The following VAV2 variants were observed in gnomAD, a reference collection of about 807,000 sequenced individuals.
VAV2 encodes guanine nucleotide exchange factor VAV2.
VAV2 carries 67 observed loss-of-function variants against 132.5 expected under a neutral mutation model. The ratio of observed to expected loss-of-function variants is 0.51; its 90% confidence interval spans 0.42 to 0.62. The LOEUF (loss-of-function observed/expected upper bound fraction) is 0.62, where lower values mean the gene tolerates loss of function less well. Among genes scored for constraint, VAV2 ranks in the 20% least tolerant of loss-of-function variants. The pLI, the probability that VAV2 is intolerant of heterozygous loss-of-function variation, is 0.00. For synonymous variants in VAV2, 492 were observed against 443.5 expected (o/e 1.11, Z -1.37); for missense variants, 938 against 1,153.6 (o/e 0.81, Z 2.71).
intron 16 of VAV2, 58 bp downstream of exon 16, chr9:133,787,188 C>A: frequency 2.0e-6 from 3 of 1,504,868 alleles, no homozygotes; most frequent in Non-Finnish European, 2.7e-6. Context: ...GGCAGAAGTG[C>A]CAGCACCAGG....
At position 133,785,944 on chromosome 9, in the gene VAV2, T is replaced by G. The variant is rs1447933048; in HGVS notation, c.1423-59A>C. The G allele has an allele frequency of 2.1e-6, 3 of 1,452,358 alleles. No individual in the cohort carries two copies. In the African/African-American group the frequency reaches 4.2e-5, roughly 20 times the overall value. 90.0% of individuals were successfully genotyped at this position (1,452,358 alleles called of 1,614,324 possible). ...ACACGGCTTCAGACATCCTGGCACA[T>G]GTCCACGTGTACTCTCGCCTGTGCA... On this transcript the variant is annotated intron_variant, in intron 16 of 29. Transcript: ENST00000371850.
Position 133,810,179 on chromosome 9 carries a change from C to A in VAV2, c.567+12G>T, listed in dbSNP as rs376530998. On this transcript the variant is annotated intron_variant, in intron 6 of 29. Coordinates refer to ENST00000371850, the MANE Select transcript of VAV2 (RefSeq NM_001134398.2). ...GCAGGACGTCCCCAGCCTCCCCTTC[C>A]GGGCCACTCACCTGCATGTATCTAA... 1.5e-5 allele frequency: 24 copies of A among 1,613,162 alleles called. No individual in the cohort carries two copies. Among genetic ancestry groups the A allele is most frequent in the Non-Finnish European group, 2.0e-5 (24 of 1,179,826 alleles).
At chr9:133,967,747 C>T (rs953181254) in intron 1 of VAV2, among the ~76,000 whole-genome samples, 3 of 98,118 alleles carry the variant, frequency 3.1e-5, no homozygotes, top group Non-Finnish European at 4.3e-5. Flanking sequence ...GCCCGCCCAA[C>T]GTGGTGAAAC....
intron 4 of VAV2, among the ~76,000 whole-genome samples, chr9:133,813,326 G>A (rs903731667): frequency 1.3e-5 from 2 of 152,230 alleles, no homozygotes; most frequent in Non-Finnish European, 2.9e-5. Flanking sequence ...AGGCGAGGCA[G>A]GGACAGAAGC....
chr9:133,865,292 G>A (rs187388045), intron 2 of VAV2, among the ~76,000 whole-genome samples: 100 of 152,246 alleles, frequency 6.6e-4, no homozygotes, highest in African/African-American at 1.9e-3. Context: ...TGGCCTTCTG[G>A]AAAGAACCCA....
intron 1 of VAV2, among the ~76,000 whole-genome samples, chr9:133,948,277 C>A (rs983896885): frequency 1.3e-5 from 2 of 152,240 alleles, no homozygotes; most frequent in African/African-American, 4.8e-5. Context: ...TCCTCAGCTC[C>A]GCACGCACCA....
intron 2 of VAV2, among the ~76,000 whole-genome samples, chr9:133,881,885 G>A (rs187382299): frequency 9.8e-5 from 15 of 152,304 alleles, no homozygotes; most frequent in African/African-American, 3.4e-4. Flanking sequence ...GATCAGACAC[G>A]CAGCAAGTAC....
chr9:133,780,572 T>G (rs17150967), intron 20 of VAV2, 122 bp downstream of exon 20: 33,809 of 1,204,180 alleles, frequency 0.028, 683 homozygotes, highest in African/African-American at 0.099. Context: ...CAAAAGTGGC[T>G]CATCCAAGCC....
intron 2 of VAV2, chr9:133,925,911 G>A (rs1027802322): frequency 7.0e-6 from 1 of 143,862 alleles, no homozygotes; most frequent in Non-Finnish European, 1.5e-5. Context: ...ACATCAAATT[G>A]TCAGGCTCCA....
intron 16 of VAV2, 65 bp from the exon 17 acceptor site, chr9:133,785,950 C>T (rs371213868): frequency 2.9e-5 from 41 of 1,403,252 alleles, no homozygotes; most frequent in African/African-American, 2.3e-4. Context: ...CACATGTCCA[C>T]GTGTACTCTC....
intron 4 of VAV2, among the ~76,000 whole-genome samples, chr9:133,815,600 G>A (rs549282615): frequency 1.8e-4 from 27 of 152,268 alleles, no homozygotes; most frequent in Admixed American, 1.6e-3. Flanking sequence ...TCTTGTTTGA[G>A]ACACATCCAT....
intron 12 of VAV2, among the ~76,000 whole-genome samples, chr9:133,793,231 A>C (rs900855462): frequency 1.3e-5 from 2 of 151,590 alleles, no homozygotes; most frequent in African/African-American, 4.8e-5. Context: ...CCCACAGCGG[A>C]ACCCAAGGGA....
intron 24 of VAV2, among the ~76,000 whole-genome samples, chr9:133,775,699 C>T (rs1171444751): frequency 6.9e-6 from 1 of 145,750 alleles, no homozygotes; most frequent in Non-Finnish European, 1.5e-5. Flanking sequence ...TGGATTACAC[C>T]TGTGACCTCA....
chr9:133,795,129 G>A (rs915854905), intron 12 of VAV2, among the ~76,000 whole-genome samples: 3 of 152,216 alleles, frequency 2.0e-5, no homozygotes, highest in African/African-American at 7.2e-5. Context: ...AGAGTGAGGA[G>A]CCCATGCCTG....
chr9:133,934,336 G>T (rs930226992), intron 2 of VAV2, among the ~76,000 whole-genome samples: 1 of 152,186 alleles, frequency 6.6e-6, no homozygotes, highest in Non-Finnish European at 1.5e-5. Flanking sequence ...AAACCAGCCA[G>T]AGACACCAGC....
At position 133,772,046 on chromosome 9, in the gene VAV2, C is replaced by A; in HGVS notation, c.2136G>T (p.Lys712Asn). 1 of 1,112,110 alleles carries A rather than the reference C, an allele frequency of 9.0e-7. No homozygotes were observed. The highest frequency in any genetic ancestry group is 1.6e-5 in the South Asian group (1 of 63,182). The allele number at this position is 1,112,110 out of a possible 1,614,324, so 68.9% of individuals were successfully genotyped here. ...AEAERFAISI[K>N]FNDEVKHIKV... The stretch of plus-strand genomic sequence containing the variant: ...TGATGTGCTTCACCTCATCATTGAA[C>A]CTGAGCAAACACACGGCCCCGGCGG... The change falls in exon 26 of 30, where the codon AAG (lysine) becomes AAT (asparagine). Residue 712 changes from lysine to asparagine, a missense_variant and splice_region_variant. Coordinates refer to ENST00000371850, the MANE Select transcript of VAV2 (RefSeq NM_001134398.2).
intron 1 of VAV2, among the ~76,000 whole-genome samples, chr9:133,940,708 T>TGTGTGTG (rs59859289): frequency 3.3e-5 from 5 of 149,914 alleles, no homozygotes; most frequent in South Asian, 2.1e-4. Context: ...TGTGTGTGTG[T>TGTGTGTG]TTCTGAACAC....
chr9:133,906,135 T>C (rs1463909214), intron 2 of VAV2, among the ~76,000 whole-genome samples: 1 of 152,200 alleles, frequency 6.6e-6, no homozygotes, highest in Non-Finnish European at 1.5e-5. Flanking sequence ...GTCCCCAGTG[T>C]GGCGTGGATC....
In VAV2 at chr9:133,885,736, G is replaced by A. The variant is rs1290347663; in HGVS notation, c.322-24304C>T. 6.6e-6 allele frequency among the ~76,000 whole-genome samples: 1 copy of A among 152,114 alleles called. No homozygotes were observed. Among genetic ancestry groups the A allele is most frequent in the Non-Finnish European group, 1.5e-5 (1 of 68,030 alleles). On this transcript the variant is annotated intron_variant, in intron 2 of 29. Transcript: ENST00000371850. This position sits in a 1 kb window ranked among gnomAD's most constrained non-coding sequence, Gnocchi z 5.0. ...TGCTCAGCTGCCCCAAGATGGAGGT[G>A]GGCACACGCTCCATGCCATCTCCCT...
Sources: allele counts gnomAD v4.1 joint callset (sites outside exome capture counted in the v4.1 genomes callset), GRCh38; gene constraint gnomAD v4.1.1; non-coding constraint Gnocchi (gnomAD v3.1); transcripts MANE v1.5; gene names NCBI Gene and HGNC (gene_info 2026-07-23, HGNC 2026-07-21).